Variants in ICE2 observed in about 807,000 individuals in gnomAD.
The protein encoded by ICE2 is little elongation complex subunit 2.
A neutral mutation model predicts 105.4 loss-of-function variants in ICE2; 87 were observed. The observed-to-expected ratio is 0.83, with a 90% confidence interval of 0.69 to 0.99. The LOEUF (loss-of-function observed/expected upper bound fraction) is 0.99. ICE2 is among the 50% of genes least tolerant of loss of function. ICE2 has a pLI of 0.00. For missense variants in ICE2, 1,323 were observed against 1,146.7 expected, an observed-to-expected ratio of 1.15 and a Z score of -2.22; for synonymous variants, 399 against 392.0, an observed-to-expected ratio of 1.02 and a Z score of -0.21.
At chr15:60,436,045 A>G in intron 13 of ICE2, 98 bp downstream of exon 13, 1 of 528,450 alleles carries the variant, frequency 1.9e-6, no homozygotes, top group Non-Finnish European at 3.3e-6. Context: ...AAAGACTAAA[A>G]GTCTTGAAAA....
intron 11 of ICE2, chr15:60,445,563 C>T (rs1001158622): frequency 1.5e-5 from 14 of 958,384 alleles, no homozygotes; most frequent in Non-Finnish European, 1.7e-5. Flanking sequence ...AAATATAAGC[C>T]TTCTATTTAG....
chr15:60,426,109 T>C (rs561730755), intron 15 of ICE2, among the ~76,000 whole-genome samples: 1 of 152,356 alleles, frequency 6.6e-6, no homozygotes, highest in African/African-American at 2.4e-5. Flanking sequence ...AATTGAACTG[T>C]TGTAATTATG....
intron 11 of ICE2, among the ~76,000 whole-genome samples, chr15:60,443,863 G>A (rs2063769523): frequency 6.6e-6 from 1 of 152,064 alleles, no homozygotes; most frequent in Admixed American, 6.6e-5. Context: ...GGAGGCTGAG[G>A]TGGGAAGATT....
intron 3 of ICE2, among the ~76,000 whole-genome samples, chr15:60,471,681 T>A (rs1050064245): frequency 6.6e-6 from 1 of 152,194 alleles, no homozygotes; most frequent in Non-Finnish European, 1.5e-5. Context: ...ACAGGGTTTC[T>A]CTATTCACGT....
At position 60,473,445 on chromosome 15, in the gene ICE2, C is replaced by A. The variant is rs536367434; in HGVS notation, c.146+2618G>T. ...GTAGCTGAGACTGCAGGCACACAACCACCACACCTGGCTATTTTTTGTATT... is the reference window on the plus strand; with the variant it reads ...GTAGCTGAGACTGCAGGCACACAACAACCACACCTGGCTATTTTTTGTATT... On this transcript the variant is annotated intron_variant, in intron 3 of 15. Coordinates refer to ENST00000261520, the MANE Select transcript of ICE2 (RefSeq NM_024611.6). Among the ~76,000 whole-genome samples the A allele has an allele frequency of 3.9e-5, 6 of 152,130 alleles. No homozygotes were observed. The South Asian group carries it at 1.2e-3, about 32-fold the overall frequency.
chr15:60,432,832 C>T (rs2063491706), intron 13 of ICE2, among the ~76,000 whole-genome samples: 1 of 151,926 alleles, frequency 6.6e-6, no homozygotes, highest in Admixed American at 6.6e-5. Context: ...GCGGAGCTTG[C>T]AGTGAGCCGA....
At chr15:60,460,262 G>C (rs2064237951) in intron 5 of ICE2, among the ~76,000 whole-genome samples, 1 of 152,180 alleles carries the variant, frequency 6.6e-6, no homozygotes, top group East Asian at 1.9e-4. Flanking sequence ...GAGAGGCCAA[G>C]GAGGCAGGTG....
At chr15:60,436,524 TA>T (rs759291973) in intron 12 of ICE2, among the ~76,000 whole-genome samples, 87 of 151,970 alleles carry the variant, frequency 5.7e-4, no homozygotes, top group Admixed American at 1.1e-3. Flanking sequence ...CAACAACTAT[TA>T]AAATACTGGT....
chr15:60,472,208 A>G (rs886357478), intron 3 of ICE2, among the ~76,000 whole-genome samples: 1 of 152,122 alleles, frequency 6.6e-6, no homozygotes, highest in East Asian at 1.9e-4. Context: ...AACTTTTTAT[A>G]TTATTCATTT....
At position 60,448,908 on chromosome 15, in the gene ICE2, AAGG is replaced by A. The variant is rs1356492662; in HGVS notation, c.2056_2058del (p.Pro686del). ...GATTTCGGCCAACTAGAGGAGTCTG[AAGG>A]ACCAGACAATTGCTCAGAAACAGAA... On this transcript the variant is annotated inframe_deletion, in exon 10 of 16. Coordinates refer to ENST00000261520, the MANE Select transcript of ICE2 (RefSeq NM_024611.6). 6.2e-7 allele frequency: 1 copy of A among 1,613,294 alleles called. No homozygotes were observed. Among genetic ancestry groups the A allele is most frequent in the Non-Finnish European group, 8.5e-7 (1 of 1,179,700 alleles).
chr15:60,478,925 C>T, intron 1 of ICE2, 78 bp downstream of exon 1: 1 of 455,302 alleles, frequency 2.2e-6, no homozygotes, highest in Non-Finnish European at 4.4e-6. Context: ...CCTCCTCCCG[C>T]CCCTGCATGA....
intron 14 of ICE2, among the ~76,000 whole-genome samples, chr15:60,430,699 C>T (rs1405625524): frequency 6.6e-6 from 1 of 152,138 alleles, no homozygotes; most frequent in Non-Finnish European, 1.5e-5. Context: ...TAATAGAATT[C>T]TTCAGAACTA....
chr15:60,461,398 A>G (rs938268227), intron 5 of ICE2, among the ~76,000 whole-genome samples: 1 of 152,218 alleles, frequency 6.6e-6, no homozygotes, highest in Non-Finnish European at 1.5e-5. Flanking sequence ...ACTTCAATAG[A>G]CATTTCACAA....
In ICE2 at chr15:60,449,673, G is replaced by A. The variant is rs146910394; in HGVS notation, c.1294C>T (p.Pro432Ser). The A allele has an allele frequency of 6.2e-7, 1 of 1,614,078 alleles. No homozygotes were observed. Among genetic ancestry groups the A allele is most frequent in the Non-Finnish European group, 8.5e-7 (1 of 1,180,022 alleles). The change falls in exon 10 of 16, where the codon CCT becomes TCT. Residue 432 changes from proline (P) to serine (S), a missense_variant. Pro to Ser is a moderately conservative substitution (Grantham distance 74). Transcript: ENST00000261520. ...TSTVPNMTDA[P>S]TAPKAGTTTV... ...GTAGTTCCTGCTTTGGGGGCTGTAG[G>A]AGCATCTGTCATGTTAGGTACTGTG...
chr15:60,449,485 C>G lies in ICE2; in HGVS notation c.1482G>C (p.Lys494Asn), dbSNP rs542453190. 3.4e-5 allele frequency: 55 copies of G among 1,614,048 alleles called. No individual in the cohort carries two copies. In the Admixed American group the frequency reaches 9.2e-4, roughly 27 times the overall value. The change falls in exon 10 of 16, where the codon AAG (lysine) becomes AAC (asparagine). Residue 494 changes from lysine to asparagine, a missense_variant. By Grantham distance (94) the Lys-to-Asn change is moderately conservative. Coordinates refer to ENST00000261520, the MANE Select transcript of ICE2 (RefSeq NM_024611.6). ...TCAAAGGCTTGTCAGAATTTGATAC[C>G]TTTTCACATGATTCAAATCCCTGAT... ...KDDQGFESCE[K>N]VSNSDKPLIQ...
chr15:60,470,584 C>G, intron 3 of ICE2, among the ~76,000 whole-genome samples: 1 of 152,164 alleles, frequency 6.6e-6, no homozygotes, highest in East Asian at 1.9e-4. Flanking sequence ...CCATTATTAT[C>G]TCTTACCAGA....
At position 60,448,896 on chromosome 15, in the gene ICE2, TAG is replaced by T; in HGVS notation, c.2069_2070del (p.Ser690Ter). On this transcript the variant is annotated frameshift_variant, in exon 10 of 16. Transcript: ENST00000261520. LOFTEE classifies it high-confidence loss of function. ...GAAGGCCATCCAGATTTCGGCCAACTAGAGGAGTCTGAAGGACCAGACAATTG... is the reference window on the plus strand; with the variant it reads ...GAAGGCCATCCAGATTTCGGCCAACTAGGAGTCTGAAGGACCAGACAATTG... ...SEQLSGPSDS[S>X]SWPKSGWPSA... The T allele has an allele frequency of 1.2e-6, 2 of 1,610,972 alleles. No homozygotes were observed. The highest frequency in any genetic ancestry group is 1.7e-6 in the Non-Finnish European group (2 of 1,179,136).
Position 60,442,465 on chromosome 15 carries a change from A to G in ICE2, c.2376T>C (p.Cys792=), listed in dbSNP as rs577137050. 2.6e-5 allele frequency: 41 copies of G among 1,601,288 alleles called. No individual in the cohort carries two copies. The Admixed American group carries it at 5.2e-4, about 20-fold the overall frequency. The change falls in exon 12 of 16, where the codon TGT becomes TGC. Residue 792 remains cysteine (C), a synonymous_variant. Coordinates refer to ENST00000261520, the MANE Select transcript of ICE2 (RefSeq NM_024611.6). ...GVEALTESEL[C]RLWTESLLHS... ...GCAATAAACTTTCAGTCCATAAGCG[A>G]CAAAGTTCACTTTCAGTCAGAGCTT... is the stretch of plus-strand genomic sequence containing the variant.
At chr15:60,437,553 G>A (rs1014822947) in intron 12 of ICE2, among the ~76,000 whole-genome samples, 3 of 151,808 alleles carry the variant, frequency 2.0e-5, no homozygotes, top group South Asian at 2.1e-4. Flanking sequence ...GGCTGGTCTC[G>A]AACTCCTGAC....
Sources: allele counts gnomAD v4.1 joint callset (sites outside exome capture counted in the v4.1 genomes callset), GRCh38; gene constraint gnomAD v4.1.1; transcripts MANE v1.5; gene names NCBI Gene and HGNC (gene_info 2026-07-23, HGNC 2026-07-21).